AMD1: variants seen among roughly 807,000 people sequenced by gnomAD.
AMD1 encodes adenosylmethionine decarboxylase 1, also known as S-adenosylmethionine decarboxylase proenzyme.
Under a neutral mutation model 40.2 loss-of-function variants are expected in AMD1, and 11 were observed. That is an observed-to-expected ratio of 0.27 (90% CI 0.17 to 0.45). The LOEUF (loss-of-function observed/expected upper bound fraction) is 0.45. Ranked by LOEUF, AMD1 falls within the 20% of genes least tolerant of loss-of-function variation. The probability of loss-of-function intolerance (pLI) is 1.00; values close to 1 mark genes in which losing one functional copy is unlikely to be tolerated. For synonymous variants in AMD1, 121 were observed against 130.8 expected (o/e 0.93, Z 0.51); for missense variants, 257 against 410.2 (o/e 0.63, Z 3.23).
chr6:110,875,218 G>A lies in AMD1; in HGVS notation c.110+3G>A. ...GGGGATCTTCGCACTATCCCAAGGT[G>A]GGTCCCCGGGGCGCTCGCTGACATC... On this transcript the variant is annotated splice_donor_region_variant and intron_variant, in intron 1 of 8. Coordinates refer to ENST00000368885, the MANE Select transcript of AMD1 (RefSeq NM_001634.6). 6.3e-7 allele frequency: 1 copy of A among 1,599,934 alleles called. No individual in the cohort carries two copies. The highest frequency in any genetic ancestry group is 1.3e-5 in the African/African-American group (1 of 74,628).
At chr6:110,815,251 G>GCGCGCGC in the AMD1 span, 25 of 1,198,636 alleles carry the variant, frequency 2.1e-5, no homozygotes, top group Non-Finnish European at 2.5e-5. Context: ...TCGCGCGCGC[G>GCGCGCGC]CGCGCGCCGC....
chr6:110,890,166 G>A, intron 3 of AMD1, 88 bp from the exon 4 acceptor site: 1 of 998,782 alleles, frequency 1.0e-6, no homozygotes, highest in Non-Finnish European at 1.5e-6. Flanking sequence ...TTTTTGATAT[G>A]TGGACAATAG....
the AMD1 span, chr6:110,814,857 G>A: frequency 3.1e-6 from 3 of 978,762 alleles, no homozygotes; most frequent in African/African-American, 1.7e-5. Context: ...CGGAACGGGC[G>A]CCCCTCGGAG....
chr6:110,888,782 ATAAT>A (rs1785849131), intron 2 of AMD1, 71 bp from the exon 3 acceptor site: 1 of 1,437,516 alleles, frequency 7.0e-7, no homozygotes, highest in Non-Finnish European at 9.5e-7. Flanking sequence ...ATTGTAAATG[ATAAT>A]TAAATTGGTT....
At chr6:110,875,399 C>T (rs546720133) in intron 1 of AMD1, among the ~76,000 whole-genome samples, 184 bp downstream of exon 1, 5 of 152,198 alleles carry the variant, frequency 3.3e-5, no homozygotes, top group Admixed American at 1.3e-4. Context: ...CCACGCGGGC[C>T]GGAGCCGGCT....
the AMD1 span, among the ~76,000 whole-genome samples, chr6:110,834,872 C>G: frequency 6.6e-6 from 1 of 150,810 alleles, no homozygotes; most frequent in Non-Finnish European, 1.5e-5. Context: ...TCACTTCAAC[C>G]CAGGAGGTGG....
the AMD1 span, among the ~76,000 whole-genome samples, chr6:110,838,191 C>T: frequency 6.6e-6 from 1 of 151,466 alleles, no homozygotes; most frequent in Non-Finnish European, 1.5e-5. Context: ...GAGTTCGAGA[C>T]CAGCCTGGCC....
the AMD1 span, among the ~76,000 whole-genome samples, chr6:110,850,179 A>C: frequency 6.6e-6 from 1 of 152,168 alleles, no homozygotes; most frequent in Non-Finnish European, 1.5e-5. Flanking sequence ...AAAAAAAAGA[A>C]CTGATTTCCT....
the AMD1 span, among the ~76,000 whole-genome samples, chr6:110,860,833 C>CA: frequency 1.2e-3 from 151 of 128,180 alleles, 2 homozygotes; most frequent in Middle Eastern, 8.4e-3. Flanking sequence ...AAACACCCAC[C>CA]CACACACACA....
the AMD1 span, among the ~76,000 whole-genome samples, chr6:110,832,263 C>G: frequency 2.0e-4 from 31 of 152,110 alleles, no homozygotes; most frequent in East Asian, 9.7e-4. Flanking sequence ...CTTTAGCCCC[C>G]CAAAGTGCTG....
At chr6:110,883,504 T>C (rs1785515210) in intron 1 of AMD1, among the ~76,000 whole-genome samples, 1 of 152,242 alleles carries the variant, frequency 6.6e-6, no homozygotes, top group Non-Finnish European at 1.5e-5. Context: ...TTTGTTTTGT[T>C]CTATTCTGCC....
the AMD1 span, among the ~76,000 whole-genome samples, chr6:110,847,042 A>AGTGTGTGTGTGTGT: frequency 6.8e-6 from 1 of 146,296 alleles, no homozygotes; most frequent in Non-Finnish European, 1.5e-5. Flanking sequence ...GAACTAGGAG[A>AGTGTGTGTGTGTGT]GTGTGTGTGT....
the AMD1 span, chr6:110,863,917 CA>C: frequency 3.0e-5 from 15 of 491,842 alleles, no homozygotes; most frequent in East Asian, 5.8e-5. Flanking sequence ...CATAGCCAAC[CA>C]AAAAAACATG....
chr6:110,890,030 AT>A, intron 3 of AMD1: 1 of 429,884 alleles, frequency 2.3e-6, no homozygotes, highest in Admixed American at 4.2e-5. Context: ...AGAGAGAGAG[AT>A]GGGGCCTCAG....
chr6:110,837,733 AAAAAAAAAAAAAAT>A, the AMD1 span, among the ~76,000 whole-genome samples: 3 of 108,578 alleles, frequency 2.8e-5, no homozygotes, highest in East Asian at 4.6e-4. Flanking sequence ...AAAAAAAAAA[AAAAAAAAAAAAAAT>A]ATATATATAT....
At chr6:110,874,143 A>G (rs1477263790), upstream of AMD1, among the ~76,000 whole-genome samples, 1 of 152,238 alleles carries the variant, frequency 6.6e-6, no homozygotes, top group African/African-American at 2.4e-5. Flanking sequence ...CTCTTCTGAA[A>G]TAGGAAGACA....
At chr6:110,853,411 G>C in the AMD1 span, among the ~76,000 whole-genome samples, 1 of 151,664 alleles carries the variant, frequency 6.6e-6, no homozygotes, top group African/African-American at 2.4e-5. Flanking sequence ...GGGTTCAAGC[G>C]ACCCTCCTGC....
chr6:110,861,244 G>C, the AMD1 span, among the ~76,000 whole-genome samples: 11 of 151,878 alleles, frequency 7.2e-5, no homozygotes, highest in Non-Finnish European at 1.5e-4. Flanking sequence ...TGTAGTCCCA[G>C]CTACTCGGGA....
At chr6:110,861,728 G>A in the AMD1 span, among the ~76,000 whole-genome samples, 1 of 151,572 alleles carries the variant, frequency 6.6e-6, no homozygotes, top group Non-Finnish European at 1.5e-5. Context: ...TGTGATCCCA[G>A]CTACTCAGGA....
Sources: gnomAD v4.1 joint callset for allele counts (sites outside exome capture counted in the v4.1 genomes callset) on GRCh38, gnomAD v4.1.1 for gene constraint, MANE v1.5 for transcripts, NCBI Gene and HGNC (gene_info 2026-07-23, HGNC 2026-07-21) for gene names.